Variants in TMC1 observed in about 807,000 individuals in gnomAD.
TMC1 encodes transmembrane channel like 1, also known as transmembrane channel-like protein 1.
A neutral mutation model predicts 105.8 loss-of-function variants in TMC1; 84 were observed. That is an observed-to-expected ratio of 0.79 (90% confidence interval 0.67 to 0.95). The LOEUF (loss-of-function observed/expected upper bound fraction) is 0.95, where lower values mean the gene tolerates loss of function less well. Ranked by LOEUF, TMC1 falls within the 40% of genes least tolerant of loss-of-function variation. The pLI is 0.00. For missense variants in TMC1, 817 were observed against 914.1 expected (o/e 0.89, Z 1.37); for synonymous variants, 315 against 311.5 (o/e 1.01, Z -0.12).
At chr9:72,673,507 CT>C (rs1184457729) in intron 5 of TMC1, among the ~76,000 whole-genome samples, 4 of 151,964 alleles carry the variant, frequency 2.6e-5, no homozygotes, top group Admixed American at 2.6e-4. Flanking sequence ...TTTTTTCATA[CT>C]GTATATGTAG....
intron 12 of TMC1, among the ~76,000 whole-genome samples, chr9:72,762,365 G>A (rs1471168220): frequency 6.6e-6 from 1 of 152,140 alleles, no homozygotes; most frequent in Non-Finnish European, 1.5e-5. Context: ...TCTCTCAAAG[G>A]AGAGCTGAGC....
chr9:72,631,942 C>T (rs376594911), intron 4 of TMC1, among the ~76,000 whole-genome samples: 12 of 152,250 alleles, frequency 7.9e-5, no homozygotes, highest in South Asian at 6.2e-4. Flanking sequence ...GAATAGTGAA[C>T]GGTGGCAAGG....
chr9:72,729,501 G>A (rs1320059730), intron 8 of TMC1, among the ~76,000 whole-genome samples: 1 of 152,024 alleles, frequency 6.6e-6, no homozygotes, highest in Non-Finnish European at 1.5e-5. Context: ...TTTACCAAAG[G>A]CAATTATCAA....
intron 11 of TMC1, among the ~76,000 whole-genome samples, chr9:72,752,467 C>T (rs1827595448): frequency 6.6e-6 from 1 of 151,944 alleles, no homozygotes; most frequent in Non-Finnish European, 1.5e-5. Context: ...CACACACACA[C>T]ACACACAAAT....
intron 8 of TMC1, 70 bp downstream of exon 8, chr9:72,700,713 CATATATATATATATATATAT>C: frequency 3.5e-5 from 11 of 317,532 alleles, no homozygotes; most frequent in Non-Finnish European, 4.9e-5. Context: ...CTGAATATTC[CATATATATATATATATATAT>C]ATATATATAT....
intron 3 of TMC1, among the ~76,000 whole-genome samples, chr9:72,626,923 C>T (rs1225321142): frequency 1.3e-5 from 2 of 152,058 alleles, no homozygotes; most frequent in African/African-American, 4.8e-5. Context: ...CATCACATCA[C>T]AAACCCAACA....
intron 8 of TMC1, among the ~76,000 whole-genome samples, chr9:72,726,742 T>C (rs986657893): frequency 1.3e-5 from 2 of 152,246 alleles, no homozygotes; most frequent in Non-Finnish European, 2.9e-5. Flanking sequence ...TAAAGACTTC[T>C]ATTAGAAAAA....
At chr9:72,529,447 C>A (rs528559924) in intron 1 of TMC1, among the ~76,000 whole-genome samples, 24 of 152,126 alleles carry the variant, frequency 1.6e-4, no homozygotes, top group African/African-American at 5.8e-4. Flanking sequence ...TAGACCCTGT[C>A]TCTAAAAAAG....
At chr9:72,564,707 C>G (rs1473008450) in intron 1 of TMC1, among the ~76,000 whole-genome samples, 3 of 152,168 alleles carry the variant, frequency 2.0e-5, no homozygotes, top group Admixed American at 2.0e-4. Context: ...CCTTAGGGCA[C>G]AGATTCCATA....
chr9:72,547,301 A>T (rs947903799), intron 1 of TMC1, among the ~76,000 whole-genome samples: 4 of 151,732 alleles, frequency 2.6e-5, no homozygotes, highest in African/African-American at 9.7e-5. Flanking sequence ...AAAAAAAAAA[A>T]AATGGTTAAA....
chr9:72,806,263 G>A, intron 18 of TMC1, among the ~76,000 whole-genome samples: 2 of 150,030 alleles, frequency 1.3e-5, no homozygotes. Context: ...CGGCTGGCCG[G>A]GCAGAGGGGC....
intron 1 of TMC1, among the ~76,000 whole-genome samples, chr9:72,572,537 A>T (rs1223301695): frequency 6.6e-6 from 1 of 152,218 alleles, no homozygotes; most frequent in Non-Finnish European, 1.5e-5. Context: ...TGTGAAAGAC[A>T]TTCATAGACA....
rs550289494 is a variant in TMC1, at chr9:72,751,219, C to T, written c.536-631C>T. On this transcript the variant is annotated intron_variant, in intron 10 of 23. Transcript: ENST00000297784. ...ATGTAAGTTCTATTATAGCAGCACC[C>T]GTATCTATGACATTGTGCTTCACAT... Among the ~76,000 whole-genome samples the T allele has an allele frequency of 4.6e-5, 7 of 152,250 alleles. 1 individual carries two copies. The highest frequency in any genetic ancestry group is 3.4e-3 in the Middle Eastern group (1 of 294).
chr9:72,614,608 G>A (rs776655761), intron 2 of TMC1, among the ~76,000 whole-genome samples: 1 of 152,160 alleles, frequency 6.6e-6, no homozygotes, highest in Non-Finnish European at 1.5e-5. Flanking sequence ...GTGAAAAACA[G>A]CTTTATACTT....
chr9:72,765,315 A>G (rs576456704), intron 12 of TMC1, among the ~76,000 whole-genome samples: 2 of 152,238 alleles, frequency 1.3e-5, no homozygotes, highest in Admixed American at 6.5e-5. Context: ...AAGCTGAGGC[A>G]TATTGCATCA....
chr9:72,562,694 T>TA (rs974519609), intron 1 of TMC1, among the ~76,000 whole-genome samples: 89 of 146,940 alleles, frequency 6.1e-4, no homozygotes, highest in Middle Eastern at 3.4e-3. Context: ...AAATTTTTTT[T>TA]AAAAATTTAG....
chr9:72,653,087 A>G (rs565210764), intron 5 of TMC1, among the ~76,000 whole-genome samples: 72 of 152,248 alleles, frequency 4.7e-4, no homozygotes, highest in Non-Finnish European at 9.0e-4. Flanking sequence ...ATAAATTCTC[A>G]TAGAAATTCA....
chr9:72,682,450 C>G (rs1342993869), intron 5 of TMC1, among the ~76,000 whole-genome samples: 1 of 152,126 alleles, frequency 6.6e-6, no homozygotes, highest in Non-Finnish European at 1.5e-5. Context: ...CATAATTATT[C>G]TCTTCATTCA....
intron 2 of TMC1, 25 bp from the exon 3 acceptor site, chr9:72,616,343 A>G (rs997595785): frequency 6.6e-6 from 1 of 152,102 alleles, no homozygotes; most frequent in African/African-American, 2.4e-5. Context: ...ATGAATCACA[A>G]CCACTTCTAC....
Sources: gnomAD v4.1 joint callset for allele counts (sites outside exome capture counted in the v4.1 genomes callset) on GRCh38, gnomAD v4.1.1 for gene constraint, MANE v1.5 for transcripts, NCBI Gene and HGNC (gene_info 2026-07-23, HGNC 2026-07-21) for gene names.